DNMT1: variants seen among roughly 807,000 people sequenced by gnomAD.
The protein encoded by DNMT1 is DNA methyltransferase 1.
DNMT1 carries 24 observed loss-of-function variants against 205.3 expected under a neutral mutation model. That is an observed-to-expected ratio of 0.12 (90% confidence interval 0.08 to 0.16). The LOEUF is 0.16. Among genes scored for constraint, DNMT1 ranks in the 10% least tolerant of loss-of-function variants. The probability of loss-of-function intolerance (pLI) is 1.00; values close to 1 mark genes in which losing one functional copy is unlikely to be tolerated. For missense variants in DNMT1, 1,293 were observed against 2,177.7 expected (o/e 0.59, Z 8.09); for synonymous variants, 817 against 839.8 (o/e 0.97, Z 0.47).
At chr19:10,144,032 CAGTGGT>C (rs766237447) in intron 28 of DNMT1, 45 bp from the exon 29 acceptor site, 2 of 1,593,084 alleles carry the variant, frequency 1.3e-6, no homozygotes, top group African/African-American at 1.3e-5. Flanking sequence ...TTCCACCTTG[CAGTGGT>C]CAGTCAGGCA....
intron 1 of DNMT1, among the ~76,000 whole-genome samples, chr19:10,194,175 G>C (rs570279638): frequency 1.6e-3 from 242 of 152,316 alleles, no homozygotes; most frequent in Non-Finnish European, 2.8e-3. Context: ...CACGGTTAAA[G>C]TTCCTGCCAA....
chr19:10,184,661 A>C (rs2039143081), intron 1 of DNMT1: 1 of 152,166 alleles, frequency 6.6e-6, no homozygotes, highest in African/African-American at 2.4e-5. Flanking sequence ...GAAAAAAATA[A>C]AGGAACAAGA....
chr19:10,147,599 G>C (rs904587068), intron 27 of DNMT1, among the ~76,000 whole-genome samples: 2 of 152,088 alleles, frequency 1.3e-5, no homozygotes, highest in African/African-American at 4.8e-5. Context: ...TGACAAGAGT[G>C]AAACTCCATC....
At chr19:10,188,888 G>C (rs1198441091) in intron 1 of DNMT1, among the ~76,000 whole-genome samples, 1 of 152,108 alleles carries the variant, frequency 6.6e-6, no homozygotes, top group East Asian at 1.9e-4. Context: ...AAGAAAATGG[G>C]ACCTGAGTCT....
intron 1 of DNMT1, among the ~76,000 whole-genome samples, chr19:10,182,351 TTATGTG>T (rs2039065364): frequency 6.6e-6 from 1 of 150,602 alleles, no homozygotes; most frequent in Non-Finnish European, 1.5e-5. Flanking sequence ...TGTAACACAA[TTATGTG>T]TATGTGTGTG....
In DNMT1 at chr19:10,137,837, A is replaced by T. The variant is rs1386402643; in HGVS notation, c.4288T>A (p.Cys1430Ser). ...QYQPILRDHI[C>S]KDMSALVAAR... Reference sequence around the variant, plus strand: ...CTCTGTCAGGGTGCCATTACCTTACAGATGTGGTCCCTGAGGATGGGCTGG... The same window carrying T: ...CTCTGTCAGGGTGCCATTACCTTACTGATGTGGTCCCTGAGGATGGGCTGG... Residue 1430 changes from cysteine to serine, a missense_variant, in exon 36 of 41, where the codon TGT becomes AGT. Cys to Ser is a moderately radical substitution (Grantham distance 112, BLOSUM62 -1). Around this residue, in one of 13 missense-constraint regions of DNMT1, gnomAD observed 148 missense variants for 256.1 expected, o/e 0.58. Transcript: ENST00000359526. This position sits in a 1 kb window ranked among gnomAD's most constrained non-coding sequence, Gnocchi z 6.4. 2.5e-6 allele frequency: 4 copies of T among 1,613,042 alleles called. No individual in the cohort carries two copies. The highest frequency in any genetic ancestry group is 2.5e-6 in the Non-Finnish European group (3 of 1,179,832).
intron 27 of DNMT1, among the ~76,000 whole-genome samples, chr19:10,147,690 C>T (rs1035225462): frequency 5.9e-5 from 9 of 152,116 alleles, no homozygotes; most frequent in Admixed American, 2.6e-4. Context: ...CAGATGCCCC[C>T]GGGGAGCCCT....
rs551779081 is a variant in DNMT1 at position 10,172,447 on chromosome 19, A to G, written c.768+643T>C. 7.2e-5 allele frequency among the ~76,000 whole-genome samples: 11 copies of G among 151,796 alleles called. No individual in the cohort carries two copies. The East Asian group carries it at 2.1e-3, about 30-fold the overall frequency. ...AAAGTTTTAGCACCTCGTACGTCTG[A>G]AAATTAGATCTTCACAAAGATCTCA... On this transcript the variant is annotated intron_variant, in intron 9 of 40. Transcript: ENST00000359526.
intron 19 of DNMT1, 103 bp downstream of exon 19, chr19:10,155,750 A>T: frequency 1.6e-6 from 2 of 1,263,616 alleles, no homozygotes; most frequent in Non-Finnish European, 2.3e-6. Context: ...GGCCTTCTGC[A>T]AGCCTGCTGA....
intron 1 of DNMT1, among the ~76,000 whole-genome samples, chr19:10,183,996 G>T (rs919121946): frequency 2.0e-5 from 3 of 152,234 alleles, no homozygotes; most frequent in African/African-American, 7.2e-5. Flanking sequence ...CGAGGCCACA[G>T]TGAGCCGTGA....
intron 1 of DNMT1, among the ~76,000 whole-genome samples, chr19:10,193,366 G>A (rs2039337884): frequency 6.6e-6 from 1 of 151,972 alleles, no homozygotes; most frequent in African/African-American, 2.4e-5. Context: ...AATAAAAAGT[G>A]TTTCTTTTTT....
intron 24 of DNMT1, 125 bp from the exon 25 acceptor site, chr19:10,150,093 T>C (rs1235950395): frequency 1.2e-6 from 1 of 843,656 alleles, no homozygotes; most frequent in Non-Finnish European, 2.0e-6. Flanking sequence ...AATGAAGAGT[T>C]GCTGCTAAAG....
chr19:10,186,199 A>G (rs564976919), intron 1 of DNMT1, among the ~76,000 whole-genome samples: 1 of 152,254 alleles, frequency 6.6e-6, no homozygotes, highest in South Asian at 2.1e-4. Context: ...AACCCCTCAT[A>G]TGAACTGGGA....
intron 26 of DNMT1, among the ~76,000 whole-genome samples, chr19:10,149,240 A>T (rs2038278878): frequency 6.6e-6 from 1 of 151,584 alleles, no homozygotes; most frequent in Admixed American, 6.6e-5. Flanking sequence ...CAGGAGAATC[A>T]CTTGAACCCA....
chr19:10,175,937 G>A (rs532180739), intron 6 of DNMT1, among the ~76,000 whole-genome samples: 21 of 152,262 alleles, frequency 1.4e-4, no homozygotes, highest in Admixed American at 1.2e-3. Context: ...GGAGTCCAAG[G>A]CATGAGGATC....
In DNMT1 at chr19:10,140,023, C is replaced by T; in HGVS notation, c.3806+23G>A. The T allele has an allele frequency of 1.2e-6, 2 of 1,604,968 alleles. No individual in the cohort carries two copies. The highest frequency in any genetic ancestry group is 1.7e-6 in the Non-Finnish European group (2 of 1,179,996). On this transcript the variant is annotated intron_variant, in intron 33 of 40. Transcript: ENST00000359526. This position sits in a 1 kb window ranked among gnomAD's most constrained non-coding sequence, Gnocchi z 8.4. ...CACAGCCCCGGGCCGTCTGGCAACA[C>T]TGGGGGGCTTCTACCCGTTTACCTG...
intron 37 of DNMT1, 131 bp downstream of exon 37, chr19:10,136,954 C>G: frequency 7.9e-7 from 1 of 1,263,768 alleles, no homozygotes; most frequent in South Asian, 1.3e-5. Context: ...TGGTCAGCAG[C>G]TACCTTCTCT....
Position 10,146,357 on chromosome 19 carries a change from G to C in DNMT1, c.2888C>G (p.Thr963Arg). 1 of 1,613,992 alleles carries C rather than the reference G, an allele frequency of 6.2e-7. No individual in the cohort carries two copies. The highest frequency in any genetic ancestry group is 1.7e-4 in the Middle Eastern group (1 of 6,054). The change falls in exon 28 of 41, where the codon ACG becomes AGG. Residue 963 changes from threonine (T) to arginine (R), a missense_variant. Coordinates refer to ENST00000359526, the MANE Select transcript of DNMT1 (RefSeq NM_001130823.3). This position sits in a 1 kb window ranked among gnomAD's most constrained non-coding sequence, Gnocchi z 4.4. ...DGVYLPPEAFTFNIKLSSPVK... is the reference protein window; with the variant it reads ...DGVYLPPEAFRFNIKLSSPVK... ...GCTCCGAGGGGGCACTTACTTGAAC[G>C]TGAAGGCCTCAGGGGGCAGGTACAC... is the stretch of plus-strand genomic sequence containing the variant.
At position 10,151,981 on chromosome 19, in the gene DNMT1, GA is replaced by G; in HGVS notation, c.2020-135del. 1.3e-6 allele frequency: 1 copy of G among 777,576 alleles called. No individual in the cohort carries two copies. Among genetic ancestry groups the G allele is most frequent in the Non-Finnish European group, 2.2e-6 (1 of 449,294 alleles). 48.2% of individuals were successfully genotyped at this position (777,576 alleles called of 1,614,324 possible). On this transcript the variant is annotated intron_variant, in intron 22 of 40. Coordinates refer to ENST00000359526, the MANE Select transcript of DNMT1 (RefSeq NM_001130823.3). The surrounding 1 kb of genome is among the most constrained non-coding windows in gnomAD (Gnocchi z 5.0). Reference sequence around the variant, plus strand: ...TGCAGACCAGCCTGGCCAACGTGGTGAAACCCCATCTCTACTAAAAATACAA... The same window carrying G: ...TGCAGACCAGCCTGGCCAACGTGGTGAACCCCATCTCTACTAAAAATACAA...
Sources: allele counts gnomAD v4.1 joint callset (sites outside exome capture counted in the v4.1 genomes callset), GRCh38; gene constraint gnomAD v4.1.1; regional missense constraint gnomAD v4.1.1; non-coding constraint Gnocchi (gnomAD v3.1); transcripts MANE v1.5; gene names NCBI Gene and HGNC (gene_info 2026-07-23, HGNC 2026-07-21).